Variants in RFX4 observed in about 807,000 individuals in gnomAD.
The protein encoded by RFX4 is transcription factor RFX4.
A neutral mutation model predicts 95.0 loss-of-function variants in RFX4; 10 were observed. The ratio of observed to expected loss-of-function variants is 0.11; its 90% CI spans 0.06 to 0.18. The LOEUF (loss-of-function observed/expected upper bound fraction) is 0.18, where lower values mean the gene tolerates loss of function less well. Ranked by LOEUF, RFX4 falls within the 10% of genes least tolerant of loss-of-function variation. RFX4 has a pLI of 1.00. For synonymous variants in RFX4, 321 were observed against 340.7 expected, an observed-to-expected ratio of 0.94 and a Z score of 0.64; for missense variants, 640 against 922.0, an observed-to-expected ratio of 0.69 and a Z score of 3.96.
chr12:106,714,067 T>C (rs1255124610), intron 10 of RFX4, among the ~76,000 whole-genome samples: 3 of 23,200 alleles, frequency 1.3e-4, no homozygotes, highest in African/African-American at 2.1e-4. Flanking sequence ...AAACTCCATC[T>C]CAAAAAAAAA....
intron 4 of RFX4, among the ~76,000 whole-genome samples, chr12:106,674,750 G>A (rs2041358179): frequency 6.6e-6 from 1 of 152,182 alleles, no homozygotes; most frequent in Non-Finnish European, 1.5e-5. Flanking sequence ...TAGAATGTAA[G>A]CTTCTTGAAC....
intron 8 of RFX4, among the ~76,000 whole-genome samples, chr12:106,704,065 C>CAAAA (rs34213070): frequency 7.3e-5 from 3 of 40,924 alleles, no homozygotes; most frequent in African/African-American, 1.4e-4. Context: ...GACACTGTCT[C>CAAAA]AAAAAAAAAA....
At chr12:106,738,195 C>T (rs867958204) in intron 15 of RFX4, among the ~76,000 whole-genome samples, 12 of 152,180 alleles carry the variant, frequency 7.9e-5, no homozygotes, top group Admixed American at 5.2e-4. Flanking sequence ...GAGACACACA[C>T]GAGTCTGCTA....
intron 1 of RFX4, among the ~76,000 whole-genome samples, chr12:106,604,584 T>G (rs550011583): frequency 2.6e-5 from 4 of 152,138 alleles, no homozygotes; most frequent in Non-Finnish European, 5.9e-5. Flanking sequence ...TCTATAGATA[T>G]GTGGATGTAT....
chr12:106,718,869 G>C (rs981220405), intron 11 of RFX4, among the ~76,000 whole-genome samples: 9 of 152,030 alleles, frequency 5.9e-5, no homozygotes, highest in African/African-American at 2.2e-4. Context: ...CCAGCACTTT[G>C]GGAGGCCAAG....
At chr12:106,644,644 T>C (rs934884453) in intron 3 of RFX4, among the ~76,000 whole-genome samples, 1 of 152,074 alleles carries the variant, frequency 6.6e-6, no homozygotes, top group Non-Finnish European at 1.5e-5. Flanking sequence ...CGTGGGAGTG[T>C]TTCTTCATGT....
In RFX4 at chr12:106,598,524, A is replaced by T. The variant is rs536944840; in HGVS notation, c.44-10273A>T. Among the ~76,000 whole-genome samples, 16 of 152,328 alleles carry T rather than the reference A, an allele frequency of 1.1e-4. No individual in the cohort carries two copies. In the South Asian group the frequency reaches 3.1e-3, roughly 30 times the overall value. On this transcript the variant is annotated intron_variant, in intron 1 of 17. Transcript: ENST00000392842. The stretch of plus-strand genomic sequence containing the variant: ...GGTTAGAGTGGTGGGATTGTGGGAA[A>T]ATATGTTTCTCTTTTCAATATTTTA...
In RFX4 at chr12:106,720,667, G is replaced by A. The variant is rs987272902; in HGVS notation, c.1234-92G>A. 41 of 1,256,774 alleles carry A rather than the reference G, an allele frequency of 3.3e-5. No homozygotes were observed. The highest frequency in any genetic ancestry group is 1.2e-4 in the African/African-American group (8 of 67,710). The allele number at this position is 1,256,774 out of a possible 1,614,324, so 77.9% of individuals were successfully genotyped here. A position where few individuals can be genotyped will look rare whatever the true frequency, so the allele number is the denominator to read the frequency against. On this transcript the variant is annotated intron_variant, in intron 12 of 17. Transcript: ENST00000392842. This position sits in a 1 kb window ranked among gnomAD's most constrained non-coding sequence, Gnocchi z 4.2. ...CTCCCAAAGTGCTGGGATTACAGGC[G>A]TGAGCCACTTCAACCGGCCTCATTT...
At chr12:106,627,384 A>G (rs528065788) in intron 2 of RFX4, among the ~76,000 whole-genome samples, 3 of 152,172 alleles carry the variant, frequency 2.0e-5, no homozygotes, top group South Asian at 4.2e-4. Flanking sequence ...AAAATGAAAA[A>G]CTTAGCCAGG....
intron 1 of RFX4, 73 bp downstream of exon 1, chr12:106,583,436 A>G: frequency 7.0e-7 from 1 of 1,419,724 alleles, no homozygotes; most frequent in East Asian, 2.5e-5. Context: ...CTTTAGAAAG[A>G]AGTTGGGAAA....
intron 4 of RFX4, among the ~76,000 whole-genome samples, chr12:106,681,498 G>A (rs964372882): frequency 6.6e-6 from 1 of 152,204 alleles, no homozygotes; most frequent in African/African-American, 2.4e-5. Flanking sequence ...ACTCCTGGGT[G>A]CAGTACAAAG....
intron 17 of RFX4, among the ~76,000 whole-genome samples, chr12:106,755,383 A>C (rs2043090551): frequency 6.6e-6 from 1 of 152,150 alleles, no homozygotes. Context: ...GGCGTGAACC[A>C]CCACACCTAG....
rs1565942195 is a variant in RFX4 at position 106,591,261 on chromosome 12, C to CTTTTTTTTTTTTT, written c.43+7898_43+7899insTTTTTTTTTTTTT. On this transcript the variant is annotated intron_variant, in intron 1 of 17. Coordinates refer to ENST00000392842, the MANE Select transcript of RFX4 (RefSeq NM_213594.3). ...CCTATATGAAAGTGTTAAAATAGTC[C>CTTTTTTTTTTTTT]CTTTTTTTTTTTTTTTTTTTTTTTT... 7.5e-5 allele frequency among the ~76,000 whole-genome samples: 5 copies of CTTTTTTTTTTTTT among 66,468 alleles called. 1 individual carries two copies. Among genetic ancestry groups the CTTTTTTTTTTTTT allele is most frequent in the African/African-American group, 6.5e-5 (1 of 15,316 alleles). 43.6% of individuals were successfully genotyped at this position (66,468 alleles called of 152,430 possible). A position where few individuals can be genotyped will look rare whatever the true frequency, so the allele number is the denominator to read the frequency against.
intron 1 of RFX4, 102 bp downstream of exon 1, chr12:106,583,465 T>C: frequency 3.5e-6 from 4 of 1,131,366 alleles, no homozygotes; most frequent in Non-Finnish European, 4.9e-6. Context: ...CGGGTCAACT[T>C]GACAGTGGAA....
chr12:106,690,027 C>T (rs951306171), intron 7 of RFX4, among the ~76,000 whole-genome samples: 1 of 151,978 alleles, frequency 6.6e-6, no homozygotes, highest in Non-Finnish European at 1.5e-5. Flanking sequence ...ATAAAAAACC[C>T]AGTAGCTATT....
chr12:106,693,847 G>C (rs1414492904), intron 7 of RFX4, among the ~76,000 whole-genome samples: 1 of 152,152 alleles, frequency 6.6e-6, no homozygotes, highest in East Asian at 1.9e-4. Context: ...GCCCAGTAGT[G>C]GTAGTGCCTC....
intron 10 of RFX4, among the ~76,000 whole-genome samples, chr12:106,712,625 C>G (rs1449152358): frequency 6.6e-6 from 1 of 152,108 alleles, no homozygotes; most frequent in African/African-American, 2.4e-5. Context: ...CCTGTCCTGC[C>G]CCTGGCATGG....
chr12:106,749,188 G>A (rs183119759), intron 16 of RFX4, among the ~76,000 whole-genome samples: 9 of 151,600 alleles, frequency 5.9e-5, no homozygotes, highest in East Asian at 1.9e-4. Flanking sequence ...CCCAGGAGGC[G>A]GAGGTTGCAG....
At chr12:106,725,851 T>A (rs1336231088) in intron 13 of RFX4, among the ~76,000 whole-genome samples, 1 of 152,026 alleles carries the variant, frequency 6.6e-6, no homozygotes, top group Non-Finnish European at 1.5e-5. Flanking sequence ...CAAAAAAAAT[T>A]AGGCATAAAT....
Sources: allele counts gnomAD v4.1 joint callset (sites outside exome capture counted in the v4.1 genomes callset), GRCh38; gene constraint gnomAD v4.1.1; non-coding constraint Gnocchi (gnomAD v3.1); transcripts MANE v1.5; gene names NCBI Gene and HGNC (gene_info 2026-07-23, HGNC 2026-07-21).